LSS: variants seen among roughly 807,000 people sequenced by gnomAD.
LSS encodes 2,3-epoxysqualene-lanosterol cyclase.
LSS carries 90 observed loss-of-function variants against 110.3 expected under a neutral mutation model. That is an observed-to-expected ratio of 0.82 (90% CI 0.69 to 0.97). LSS has a LOEUF of 0.97. LSS is among the 50% of genes least tolerant of loss of function. The pLI, the probability that LSS is intolerant of heterozygous loss-of-function variation, is 0.00. For synonymous variants in LSS, 433 were observed against 400.0 expected (o/e 1.08, Z -0.98); for missense variants, 927 against 990.0 (o/e 0.94, Z 0.85).
intron 11 of LSS, among the ~76,000 whole-genome samples, chr21:46,211,155 C>A (rs999768722): frequency 6.6e-6 from 1 of 151,974 alleles, no homozygotes; most frequent in Non-Finnish European, 1.5e-5. Flanking sequence ...GAGATGAAGT[C>A]TCGCTCTGTT....
chr21:46,217,322 G>T (rs1428493006), intron 6 of LSS, among the ~76,000 whole-genome samples: 1 of 151,642 alleles, frequency 6.6e-6, no homozygotes, highest in Non-Finnish European at 1.5e-5. Flanking sequence ...CTGGGTCTTT[G>T]ATCACTGGTC....
At chr21:46,223,748 T>G (rs1219875459) in intron 3 of LSS, among the ~76,000 whole-genome samples, 1 of 152,064 alleles carries the variant, frequency 6.6e-6, no homozygotes, top group Non-Finnish European at 1.5e-5. Flanking sequence ...CATAGTGAGG[T>G]GTGACCAGAA....
intron 11 of LSS, among the ~76,000 whole-genome samples, chr21:46,212,686 G>A (rs1451147874): frequency 6.6e-6 from 1 of 152,234 alleles, no homozygotes; most frequent in East Asian, 1.9e-4. Context: ...AGAGTGCATG[G>A]AGGAGAAGCC....
intron 17 of LSS, among the ~76,000 whole-genome samples, chr21:46,204,386 T>C (rs982687354): frequency 5.9e-5 from 8 of 135,920 alleles, no homozygotes; most frequent in African/African-American, 2.1e-4. Flanking sequence ...AAGACTAAGA[T>C]TTTTTTTTTT....
Position 46,219,538 on chromosome 21 carries a change from G to A in LSS, c.585C>T (p.Phe195=), listed in dbSNP as rs768373801. 3 of 1,602,784 alleles carry A rather than the reference G, an allele frequency of 1.9e-6. No homozygotes were observed. Among genetic ancestry groups the A allele is most frequent in the East Asian group, 2.3e-5 (1 of 43,786 alleles). Residue 195 remains phenylalanine (F), a synonymous_variant, in exon 6 of 22, where the codon TTC becomes TTT. Coordinates refer to ENST00000397728, the MANE Select transcript of LSS (RefSeq NM_002340.6). ...GAVAIPSWGK[F]WLAVLNVYSW... is the part of the protein sequence containing the mutation. ...TGTAAACATTCAGGACAGCCAGCCA[G>A]AACTTCCCCCAGGAGGGGATGGCCA... is the stretch of plus-strand genomic sequence containing the variant.
At chr21:46,197,884 CA>C (rs1299348841) in intron 17 of LSS, among the ~76,000 whole-genome samples, 43 of 122,218 alleles carry the variant, frequency 3.5e-4, no homozygotes, top group Admixed American at 6.6e-4. Flanking sequence ...GACTCTGTCT[CA>C]AAAAAAAAAA....
At chr21:46,194,043 C>A (rs894525638) in intron 20 of LSS, among the ~76,000 whole-genome samples, 30 of 152,278 alleles carry the variant, frequency 2.0e-4, no homozygotes, top group African/African-American at 7.0e-4. Flanking sequence ...AGTGTGTACA[C>A]TGATGCCTGC....
rs921458371 is a variant in LSS, at chr21:46,209,050, G to T, written c.1266+504C>A. 1.3e-5 allele frequency among the ~76,000 whole-genome samples: 2 copies of T among 152,188 alleles called. No homozygotes were observed. The highest frequency in any genetic ancestry group is 4.8e-5 in the African/African-American group (2 of 41,452). On this transcript the variant is annotated intron_variant, in intron 13 of 21. Transcript: ENST00000397728. This position sits in a 1 kb window ranked among gnomAD's most constrained non-coding sequence, Gnocchi z 4.4. ...CATGTATGGGATGACTGTGGCTGCA[G>T]ACTGGGGTGCAGGCACGTGTGAGAG...
rs2079801650 is a variant in LSS, at chr21:46,190,938, C to G, written c.*166G>C. ...AAAAATCAAGAGTCTAAGCCACCCA[C>G]CCTGTCCCCATCCCTGCCTCCAGCC... On this transcript the variant is annotated 3_prime_UTR_variant, in exon 22 of 22. Transcript: ENST00000397728. The surrounding 1 kb of genome is among the most constrained non-coding windows in gnomAD (Gnocchi z 4.6). The G allele has an allele frequency of 1.4e-6, 1 of 735,252 alleles. No homozygotes were observed. The highest frequency in any genetic ancestry group is 3.0e-5 in the Admixed American group (1 of 33,840). 45.5% of individuals were successfully genotyped at this position (735,252 alleles called of 1,614,324 possible).
intron 14 of LSS, among the ~76,000 whole-genome samples, chr21:46,207,938 C>T (rs1436959716): frequency 6.6e-6 from 1 of 152,266 alleles, no homozygotes; most frequent in East Asian, 1.9e-4. Context: ...CTGAGGTCTA[C>T]TTCTTTCCTC....
In LSS at chr21:46,191,079, C is replaced by G; in HGVS notation, c.*25G>C. ...CCTTGGCCTCACTGGAACGCACAGA[C>G]GGCACCCAGCAGGTAGGCATGTTCT... On this transcript the variant is annotated 3_prime_UTR_variant, in exon 22 of 22. Transcript: ENST00000397728. The G allele has an allele frequency of 6.2e-7, 1 of 1,613,522 alleles. No individual in the cohort carries two copies. The highest frequency in any genetic ancestry group is 1.1e-5 in the South Asian group (1 of 91,020).
Position 46,209,466 on chromosome 21 carries a change from G to A in LSS, c.1266+88C>T. 1.7e-6 allele frequency: 2 copies of A among 1,196,542 alleles called. No homozygotes were observed. The highest frequency in any genetic ancestry group is 2.4e-6 in the Non-Finnish European group (2 of 843,838). 74.1% of individuals were successfully genotyped at this position (1,196,542 alleles called of 1,614,324 possible). A position where few individuals can be genotyped will look rare whatever the true frequency, so the allele number is the denominator to read the frequency against. On this transcript the variant is annotated intron_variant, in intron 13 of 21. Transcript: ENST00000397728. The surrounding 1 kb of genome is among the most constrained non-coding windows in gnomAD (Gnocchi z 4.4). ...ACCAGTGCAGGAAATAGGGCAGGGT[G>A]GAGGTGAGGTGGGCACTTCTGCCTG...
Position 46,189,559 on chromosome 21 carries a change from C to T in LSS, c.*1545G>A, listed in dbSNP as rs1373005479. Reference sequence around the variant, plus strand: ...TGGGGCAAGGGAGCTGGACAGAAGACCCCAGAGGGTGCGGCACCTGGGTGA... The same window carrying T: ...TGGGGCAAGGGAGCTGGACAGAAGATCCCAGAGGGTGCGGCACCTGGGTGA... On this transcript the variant is annotated 3_prime_UTR_variant, in exon 22 of 22. Coordinates refer to ENST00000397728, the MANE Select transcript of LSS (RefSeq NM_002340.6). 4 of 422,934 alleles carry T rather than the reference C, an allele frequency of 9.5e-6. No homozygotes were observed. Among genetic ancestry groups the T allele is most frequent in the Non-Finnish European group, 1.9e-5 (4 of 211,276 alleles). The allele number at this position is 422,934 out of a possible 1,614,324, so 26.2% of individuals were successfully genotyped here. A position where few individuals can be genotyped will look rare whatever the true frequency, so the allele number is the denominator to read the frequency against.
At chr21:46,210,962 A>G (rs2080122069) in intron 11 of LSS, among the ~76,000 whole-genome samples, 1 of 152,156 alleles carries the variant, frequency 6.6e-6, no homozygotes, top group Non-Finnish European at 1.5e-5. Flanking sequence ...AGACTCAGGG[A>G]GCCCTCCCTT....
At position 46,191,183 on chromosome 21, in the gene LSS, T is replaced by C. The variant is rs566088146; in HGVS notation, c.2120A>G (p.Tyr707Cys). The stretch of plus-strand genomic sequence containing the variant: ...GGCCCAGATGGGGAAGATGTTCCTG[T>C]AGCTCGTGTAGGAGATGGCACAGGA... ...NKSCAISYTS[Y>C]RNIFPIWALG... The change falls in exon 22 of 22, where the codon TAC (tyrosine) becomes TGC (cysteine). Residue 707 changes from tyrosine to cysteine, a missense_variant. Coordinates refer to ENST00000397728, the MANE Select transcript of LSS (RefSeq NM_002340.6). 2.5e-6 allele frequency: 4 copies of C among 1,614,110 alleles called. No homozygotes were observed. Among genetic ancestry groups the C allele is most frequent in the Non-Finnish European group, 3.4e-6 (4 of 1,179,984 alleles).
chr21:46,211,285 C>T (rs2001809), intron 11 of LSS, among the ~76,000 whole-genome samples: 42,646 of 152,132 alleles, frequency 0.28, 7,259 homozygotes, highest in Admixed American at 0.41. Context: ...TGCCAGCACA[C>T]CCAGCTAATT....
At chr21:46,227,458 A>T in intron 3 of LSS, 94 bp downstream of exon 3, 1 of 1,481,834 alleles carries the variant, frequency 6.7e-7, no homozygotes, top group South Asian at 1.3e-5. Flanking sequence ...CTGGATTTTC[A>T]CCTGCTTCAT....
chr21:46,205,815 A>G, intron 17 of LSS, 21 bp downstream of exon 17: 1 of 1,577,942 alleles, frequency 6.3e-7, no homozygotes, highest in Non-Finnish European at 8.6e-7. Flanking sequence ...GCCCACACTG[A>G]ATGGCTGAGA....
chr21:46,207,546 C>T lies in LSS; in HGVS notation c.1349G>A (p.Gly450Asp), dbSNP rs1223208371. ...GGFSFSTLDC[G>D]WIVSDCTAEA... Reference sequence around the variant, plus strand: ...AGCCGTGCAGTCAGAAACGATCCAGCCGCAGTCCAGCGTACTGAAGGAGAA... The same window carrying T: ...AGCCGTGCAGTCAGAAACGATCCAGTCGCAGTCCAGCGTACTGAAGGAGAA... The change falls in exon 15 of 22, where the codon GGC becomes GAC. Residue 450 changes from glycine to aspartate, a missense_variant. Transcript: ENST00000397728. 6 of 1,610,428 alleles carry T rather than the reference C, an allele frequency of 3.7e-6. No individual in the cohort carries two copies. Among genetic ancestry groups the T allele is most frequent in the South Asian group, 3.3e-5 (3 of 90,474 alleles).
Sources: gnomAD v4.1 joint callset for allele counts (sites outside exome capture counted in the v4.1 genomes callset) on GRCh38, gnomAD v4.1.1 for gene constraint, Gnocchi (gnomAD v3.1) non-coding constraint, MANE v1.5 for transcripts, NCBI Gene and HGNC (gene_info 2026-07-23, HGNC 2026-07-21) for gene names.